ZNF730: variants seen among roughly 807,000 people sequenced by gnomAD.
ZNF730 encodes putative zinc finger protein 730.
ZNF730 carries 12 observed loss-of-function variants against 12.6 expected under a neutral mutation model. The observed-to-expected ratio is 0.95, with a 90% CI of 0.61 to 1.54. The LOEUF (loss-of-function observed/expected upper bound fraction) is 1.54. Ranked by LOEUF, ZNF730 falls within the 40% of genes most tolerant of loss-of-function variation. The probability of loss-of-function intolerance (pLI) is 0.00; values close to 1 mark genes in which losing one functional copy is unlikely to be tolerated. For missense variants in ZNF730, 643 were observed against 583.5 expected (o/e 1.10, Z -1.05); for synonymous variants, 194 against 195.8 (o/e 0.99, Z 0.08).
Position 23,147,065 on chromosome 19 carries a change from G to A in ZNF730, c.*509G>A. ...GAAAACTTCTACAAGTGTAAACAAAGTGGCAAAACTTTTAACCAATGCTCA... is the reference window on the plus strand; with the variant it reads ...GAAAACTTCTACAAGTGTAAACAAAATGGCAAAACTTTTAACCAATGCTCA... On this transcript the variant is annotated 3_prime_UTR_variant, in exon 4 of 4. Transcript: ENST00000597761. The A allele has an allele frequency of 4.0e-6, 1 of 252,706 alleles. No homozygotes were observed. Among genetic ancestry groups the A allele is most frequent in the Admixed American group, 5.0e-5 (1 of 19,962 alleles). 15.7% of individuals were successfully genotyped at this position (252,706 alleles called of 1,614,324 possible). A position where few individuals can be genotyped will look rare whatever the true frequency, so the allele number is the denominator to read the frequency against.
intron 1 of ZNF730, among the ~76,000 whole-genome samples, chr19:23,082,406 G>A (rs1043358739): frequency 2.0e-5 from 3 of 151,582 alleles, no homozygotes; most frequent in Admixed American, 6.6e-5. Flanking sequence ...GAGTGCAATG[G>A]TACGATCTTG....
chr19:23,136,831 T>C (rs1478730172), intron 3 of ZNF730, among the ~76,000 whole-genome samples: 1 of 152,060 alleles, frequency 6.6e-6, no homozygotes, highest in Non-Finnish European at 1.5e-5. Flanking sequence ...CTTAAATAAC[T>C]GGAATTCTGA....
intron 1 of ZNF730, chr19:23,126,956 T>C: frequency 1.9e-6 from 1 of 513,230 alleles, no homozygotes; most frequent in South Asian, 1.5e-5. Flanking sequence ...ACACTCATGC[T>C]TCTATTTTTC....
At chr19:23,082,633 C>T (rs1296410337) in intron 1 of ZNF730, among the ~76,000 whole-genome samples, 3 of 152,190 alleles carry the variant, frequency 2.0e-5, no homozygotes, top group African/African-American at 7.2e-5. Context: ...AGGCGTGAGC[C>T]ACAGCGCCTG....
At chr19:23,143,262 A>C (rs953969316) in intron 3 of ZNF730, among the ~76,000 whole-genome samples, 8 of 152,278 alleles carry the variant, frequency 5.3e-5, no homozygotes, top group East Asian at 3.9e-4. Flanking sequence ...AAAAAAAAAA[A>C]CAATATATTT....
At chr19:23,081,877 C>T (rs1390650918) in intron 1 of ZNF730, among the ~76,000 whole-genome samples, 1 of 152,156 alleles carries the variant, frequency 6.6e-6, no homozygotes, top group Non-Finnish European at 1.5e-5. Flanking sequence ...CTCAGCTTCC[C>T]TAGTAGCTGG....
intron 2 of ZNF730, among the ~76,000 whole-genome samples, chr19:23,134,492 C>T (rs1308495833): frequency 4.1e-5 from 6 of 146,504 alleles, no homozygotes; most frequent in African/African-American, 1.5e-4. Context: ...CAGCCCCCCG[C>T]CCGGCCGGCC....
intron 1 of ZNF730, among the ~76,000 whole-genome samples, 166 bp from the exon 2 acceptor site, chr19:23,133,908 AGAGTAT>A (rs1387858413): frequency 2.6e-5 from 4 of 152,354 alleles, no homozygotes; most frequent in African/African-American, 7.2e-5. Flanking sequence ...TCTCAGAGTT[AGAGTAT>A]ATTTTCACAG....
At chr19:23,097,182 A>C (rs1178754357) in intron 1 of ZNF730, among the ~76,000 whole-genome samples, 1 of 152,164 alleles carries the variant, frequency 6.6e-6, no homozygotes, top group Non-Finnish European at 1.5e-5. Flanking sequence ...CACTGGGCCC[A>C]ACAGCAACAG....
At chr19:23,095,099 T>A in intron 1 of ZNF730, 1 of 341,014 alleles carries the variant, frequency 2.9e-6, no homozygotes, top group East Asian at 4.5e-5. Flanking sequence ...TTGATGCTCC[T>A]GCCTGGGCCC....
At chr19:23,097,380 G>A (rs1970270129) in intron 1 of ZNF730, among the ~76,000 whole-genome samples, 1 of 151,838 alleles carries the variant, frequency 6.6e-6, no homozygotes, top group East Asian at 1.9e-4. Context: ...GCTTGCTGGG[G>A]GATAATGATA....
intron 1 of ZNF730, among the ~76,000 whole-genome samples, chr19:23,091,532 G>A (rs540664557): frequency 6.6e-6 from 1 of 152,154 alleles, no homozygotes; most frequent in South Asian, 2.1e-4. Context: ...GCTGTTCCCT[G>A]CAAAGCCACA....
At chr19:23,092,583 T>C (rs550237842) in intron 1 of ZNF730, among the ~76,000 whole-genome samples, 2 of 152,056 alleles carry the variant, frequency 1.3e-5, no homozygotes, top group South Asian at 2.1e-4. Flanking sequence ...CAAAACTCCA[T>C]CTCAAAAAAA....
rs975028065 is a variant in ZNF730 at position 23,127,532 on chromosome 19, C to A, written c.4-6548C>A. 19 of 914,782 alleles carry A rather than the reference C, an allele frequency of 2.1e-5. No homozygotes were observed. The African/African-American group carries it at 2.9e-4, about 14-fold the overall frequency. The allele number at this position is 914,782 out of a possible 1,614,324, so 56.7% of individuals were successfully genotyped here. On this transcript the variant is annotated intron_variant, in intron 1 of 3. Transcript: ENST00000597761. The stretch of plus-strand genomic sequence containing the variant: ...TGGTGGTGCTGGTGGAATGATGTAA[C>A]CTGCATAGTCTTCATTTTTAACAAA...
At chr19:23,129,480 C>T (rs1366059209) in intron 1 of ZNF730, among the ~76,000 whole-genome samples, 2 of 151,982 alleles carry the variant, frequency 1.3e-5, no homozygotes, top group Non-Finnish European at 2.9e-5. Context: ...TTTGACTGCC[C>T]TGCTTGATTT....
intron 1 of ZNF730, among the ~76,000 whole-genome samples, chr19:23,100,630 C>CTTTTTTT (rs201462781): frequency 8.4e-6 from 1 of 118,554 alleles, no homozygotes; most frequent in African/African-American, 3.9e-5. Flanking sequence ...GATGGTGATT[C>CTTTTTTT]TTTTTTTTTT....
upstream of ZNF730, among the ~76,000 whole-genome samples, chr19:23,112,677 C>T (rs1169299533): frequency 6.6e-6 from 1 of 151,478 alleles, no homozygotes; most frequent in Non-Finnish European, 1.5e-5. Flanking sequence ...GAGCTGAAAT[C>T]GCGCCACTAC....
intron 3 of ZNF730, among the ~76,000 whole-genome samples, chr19:23,138,796 C>T (rs774710665): frequency 2.0e-5 from 3 of 152,142 alleles, no homozygotes; most frequent in Non-Finnish European, 4.4e-5. Flanking sequence ...GAAATCTTTG[C>T]CTGAAGCAAT....
intron 3 of ZNF730, among the ~76,000 whole-genome samples, chr19:23,143,354 C>T (rs1970956050): frequency 6.6e-6 from 1 of 151,584 alleles, no homozygotes; most frequent in South Asian, 2.1e-4. Flanking sequence ...ATTGATGTTG[C>T]TACCATCTTT....
Sources: allele counts gnomAD v4.1 joint callset (sites outside exome capture counted in the v4.1 genomes callset), GRCh38; gene constraint gnomAD v4.1.1; transcripts MANE v1.5; gene names NCBI Gene and HGNC (gene_info 2026-07-23, HGNC 2026-07-21).